TRPV3: variants seen among roughly 807,000 people sequenced by gnomAD.
TRPV3 encodes VRL-3.
TRPV3 carries 88 observed loss-of-function variants against 87.1 expected under a neutral mutation model. The observed-to-expected ratio is 1.01, with a 90% CI of 0.85 to 1.21. The LOEUF is 1.21. TRPV3 is among the 50% of genes most tolerant of loss of function. The pLI, the probability that TRPV3 is intolerant of heterozygous loss-of-function variation, is 0.00. For missense variants in TRPV3, 1,054 were observed against 1,030.1 expected (o/e 1.02, Z -0.32); for synonymous variants, 438 against 423.3 (o/e 1.03, Z -0.43).
Position 3,513,900 on chromosome 17 carries a change from A to C in TRPV3, c.*17T>G, listed in dbSNP as rs376785411. The C allele has an allele frequency of 6.2e-7, 1 of 1,608,668 alleles. No individual in the cohort carries two copies. Among genetic ancestry groups the C allele is most frequent in the African/African-American group, 1.3e-5 (1 of 74,770 alleles). On this transcript the variant is annotated 3_prime_UTR_variant, in exon 18 of 18. Transcript: ENST00000576742. Reference sequence around the variant, plus strand: ...GCGCCAGACAGCGCACGCGCACACCAGCTCTGGGTTCCGCTTCTACACCGA... The same window carrying C: ...GCGCCAGACAGCGCACGCGCACACCCGCTCTGGGTTCCGCTTCTACACCGA...
In TRPV3 at chr17:3,530,861, G is replaced by A. The variant is rs2150790460; in HGVS notation, c.1066-658C>T. 6.6e-6 allele frequency among the ~76,000 whole-genome samples: 1 copy of A among 152,190 alleles called. No individual in the cohort carries two copies. Among genetic ancestry groups the A allele is most frequent in the South Asian group, 2.1e-4 (1 of 4,820 alleles). On this transcript the variant is annotated intron_variant, in intron 8 of 17. Coordinates refer to ENST00000576742, the MANE Select transcript of TRPV3 (RefSeq NM_145068.4). This position sits in a 1 kb window ranked among gnomAD's most constrained non-coding sequence, Gnocchi z 4.0. Reference sequence around the variant, plus strand: ...ATTTGAGGTCAGGAGTTCGAGACCAGCCTGGCCAACATGGTGGAATCCTGT... The same window carrying A: ...ATTTGAGGTCAGGAGTTCGAGACCAACCTGGCCAACATGGTGGAATCCTGT...
rs769159822 is a variant in TRPV3 at position 3,532,807 on chromosome 17, G to A, written c.915C>T (p.Thr305=). 7.4e-6 allele frequency: 12 copies of A among 1,614,108 alleles called. No individual in the cohort carries two copies. Among genetic ancestry groups the A allele is most frequent in the African/African-American group, 1.3e-5 (1 of 74,930 alleles). The change falls in exon 8 of 18, where the codon ACC becomes ACT. Residue 305 remains threonine (T), a synonymous_variant. Transcript: ENST00000576742. ...RGNNILHALV[T]VAEDFKTQND... is the part of the protein sequence containing the mutation. ...TCTGCGTCTTGAAGTCCTCGGCCACGGTCACCAGGGCGTGAAGGATGTTGT... is the reference window on the plus strand; with the variant it reads ...TCTGCGTCTTGAAGTCCTCGGCCACAGTCACCAGGGCGTGAAGGATGTTGT...
intron 15 of TRPV3, among the ~76,000 whole-genome samples, 167 bp from the exon 16 acceptor site, chr17:3,516,736 C>T (rs572925956): frequency 5.3e-5 from 8 of 152,356 alleles, no homozygotes; most frequent in South Asian, 4.1e-4. Flanking sequence ...AGGCCGGGCA[C>T]GGTGGCTCAC....
chr17:3,521,591 G>A (rs2074246471), intron 13 of TRPV3, among the ~76,000 whole-genome samples: 1 of 152,102 alleles, frequency 6.6e-6, no homozygotes, highest in South Asian at 2.1e-4. Flanking sequence ...GGTGATGGGT[G>A]TGTTAATTGG....
intron 2 of TRPV3, among the ~76,000 whole-genome samples, chr17:3,550,520 C>CTTTTTTTTTT (rs35400667): frequency 5.4e-5 from 5 of 92,184 alleles, no homozygotes; most frequent in African/African-American, 1.6e-4. Flanking sequence ...CCTGCCTGCT[C>CTTTTTTTTTT]TTTTTTTTTT....
intron 9 of TRPV3, among the ~76,000 whole-genome samples, chr17:3,529,787 G>A (rs1032466152): frequency 2.6e-5 from 1 of 38,534 alleles, no homozygotes; most frequent in Admixed American, 2.8e-4. Context: ...CCCGCCCACC[G>A]CCCCCGCCAC....
Position 3,528,001 on chromosome 17 carries a change from G to A in TRPV3, c.1503+24C>T, listed in dbSNP as rs1361237234. 1.3e-6 allele frequency: 2 copies of A among 1,586,656 alleles called. No individual in the cohort carries two copies. Among genetic ancestry groups the A allele is most frequent in the Non-Finnish European group, 8.6e-7 (1 of 1,156,804 alleles). On this transcript the variant is annotated intron_variant, in intron 11 of 17. Transcript: ENST00000576742. This position sits in a 1 kb window ranked among gnomAD's most constrained non-coding sequence, Gnocchi z 4.2. ...ACCTGCCTGCCTCGCGGGGCGGTCTGGAAGGGCCGGGTGGCCCACTTACCT... is the reference window on the plus strand; with the variant it reads ...ACCTGCCTGCCTCGCGGGGCGGTCTAGAAGGGCCGGGTGGCCCACTTACCT...
chr17:3,533,289 C>T (rs755900055), intron 7 of TRPV3, among the ~76,000 whole-genome samples: 1 of 152,174 alleles, frequency 6.6e-6, no homozygotes, highest in Non-Finnish European at 1.5e-5. Context: ...GCTACAACGG[C>T]CTTTTTCCAC....
rs761560146 is a variant in TRPV3 at position 3,528,867 on chromosome 17, G to T, written c.1371C>A (p.Leu457=). ...CCTCCCGGGGGCGGTAGTACGAGAC[G>T]AGGGTCAGGGTGATGTTGTAGAAGA... ...FYFFYNITLT[L]VSYYRPREEE... Residue 457 remains leucine, a synonymous_variant, in exon 10 of 18, where the codon CTC becomes CTA. Transcript: ENST00000576742. The surrounding 1 kb of genome is among the most constrained non-coding windows in gnomAD (Gnocchi z 4.2). 8.7e-6 allele frequency: 14 copies of T among 1,614,076 alleles called. No homozygotes were observed. In the East Asian group the frequency reaches 3.1e-4, roughly 36 times the overall value.
At position 3,528,745 on chromosome 17, in the gene TRPV3, C is replaced by A. The variant is rs2074322398; in HGVS notation, c.1401+92G>T. On this transcript the variant is annotated intron_variant, in intron 10 of 17. Coordinates refer to ENST00000576742, the MANE Select transcript of TRPV3 (RefSeq NM_145068.4). This position sits in a 1 kb window ranked among gnomAD's most constrained non-coding sequence, Gnocchi z 4.2. ...GACCCCGCCCAATCTCCTGGTCTCT[C>A]TGGGCCTCAGTTTTCCCACCTGCAC... is the stretch of plus-strand genomic sequence containing the variant. The A allele has an allele frequency of 2.0e-6, 3 of 1,499,450 alleles. No individual in the cohort carries two copies. The highest frequency in any genetic ancestry group is 1.8e-5 in the Admixed American group (1 of 54,056). 92.9% of individuals were successfully genotyped at this position (1,499,450 alleles called of 1,614,324 possible).
In TRPV3 at chr17:3,529,300, T is replaced by G. The variant is rs7214086; in HGVS notation, c.1243-305A>C. On this transcript the variant is annotated intron_variant, in intron 9 of 17. Coordinates refer to ENST00000576742, the MANE Select transcript of TRPV3 (RefSeq NM_145068.4). ...GGCAGGGGTTCCAGCCCCAGTTTGC[T>G]CCTCCTTTGCTGTGTGACTTTAGGA... is the stretch of plus-strand genomic sequence containing the variant. Among the ~76,000 whole-genome samples, 1,023 of 152,034 alleles carry G rather than the reference T, an allele frequency of 6.7e-3. 10 individuals are homozygous for G. The highest frequency in any genetic ancestry group is 0.022 in the African/African-American group (931 of 41,454).
chr17:3,554,596 G>T (rs976386514), intron 2 of TRPV3, 136 bp downstream of exon 2: 4 of 649,990 alleles, frequency 6.2e-6, no homozygotes, highest in East Asian at 2.6e-5. Flanking sequence ...GTCATACCTC[G>T]CCGGGCACCG....
At chr17:3,550,277 T>C (rs1407353302) in intron 2 of TRPV3, among the ~76,000 whole-genome samples, 1 of 152,114 alleles carries the variant, frequency 6.6e-6, no homozygotes, top group East Asian at 1.9e-4. Context: ...GCCCTTTGTC[T>C]CTGCCCTACC....
intron 11 of TRPV3, 66 bp downstream of exon 11, chr17:3,527,959 G>C (rs546681704): frequency 1.6e-6 from 2 of 1,233,152 alleles, no homozygotes; most frequent in Non-Finnish European, 2.4e-6. Context: ...GCAGAGCAGA[G>C]AGGGATGGAG....
Position 3,545,483 on chromosome 17 carries a change from C to T in TRPV3, c.120-212G>A, listed in dbSNP as rs573156014. Among the ~76,000 whole-genome samples, 73 of 152,210 alleles carry T rather than the reference C, an allele frequency of 4.8e-4. 1 individual carries two copies. The highest frequency in any genetic ancestry group is 1.5e-3 in the African/African-American group (61 of 41,528). On this transcript the variant is annotated intron_variant, in intron 2 of 17. Transcript: ENST00000576742. Reference sequence around the variant, plus strand: ...TTCACAGATGGTCTCCAGGGAGCTGCGAGTCAAGTGTGAAACTAAAGAAAA... The same window carrying T: ...TTCACAGATGGTCTCCAGGGAGCTGTGAGTCAAGTGTGAAACTAAAGAAAA...
At position 3,522,723 on chromosome 17, in the gene TRPV3, G is replaced by A. The variant is rs188258077; in HGVS notation, c.1743+1475C>T. Among the ~76,000 whole-genome samples the A allele has an allele frequency of 5.2e-4, 79 of 151,748 alleles. 1 individual carries two copies. The highest frequency in any genetic ancestry group is 5.9e-5 in the Non-Finnish European group (4 of 67,942). ...TCCCAGCTACTCAGGAGGCTGGGGC[G>A]GGAGAATTGCTTGAGCCCGGGAGGC... On this transcript the variant is annotated intron_variant, in intron 13 of 17. Transcript: ENST00000576742.
At position 3,528,163 on chromosome 17, in the gene TRPV3, C is replaced by G; in HGVS notation, c.1402-37G>C. 1.9e-6 allele frequency: 3 copies of G among 1,546,210 alleles called. No homozygotes were observed. Among genetic ancestry groups the G allele is most frequent in the Non-Finnish European group, 2.7e-6 (3 of 1,130,870 alleles). On this transcript the variant is annotated intron_variant, in intron 10 of 17. Transcript: ENST00000576742. The surrounding 1 kb of genome is among the most constrained non-coding windows in gnomAD (Gnocchi z 4.2). ...GAAGAGGGGTGGTCAGTATAGGAAG[C>G]AAGGAGGACAGGGCTGGCACCAACT...
intron 14 of TRPV3, among the ~76,000 whole-genome samples, chr17:3,519,452 A>ATGGATGGATGGATG (rs1567630457): frequency 1.6e-4 from 7 of 45,062 alleles, no homozygotes; most frequent in East Asian, 2.7e-3. Flanking sequence ...ATGGATGGAT[A>ATGGATGGATGGATG]GATGATTAGA....
intron 2 of TRPV3, among the ~76,000 whole-genome samples, chr17:3,546,181 C>G (rs758550138): frequency 2.1e-4 from 32 of 151,920 alleles, no homozygotes; most frequent in Non-Finnish European, 3.5e-4. Flanking sequence ...GTGGCTCACA[C>G]CTGTAATCCC....
Sources: gnomAD v4.1 joint callset for allele counts (sites outside exome capture counted in the v4.1 genomes callset) on GRCh38, gnomAD v4.1.1 for gene constraint, Gnocchi (gnomAD v3.1) non-coding constraint, MANE v1.5 for transcripts, NCBI Gene and HGNC (gene_info 2026-07-23, HGNC 2026-07-21) for gene names.